BAALC: variants seen among roughly 807,000 people sequenced by gnomAD.
BAALC encodes brain and acute leukemia cytoplasmic protein.
In BAALC, 9 loss-of-function variants were observed where a neutral mutation model predicts 15.5. That is an observed-to-expected ratio of 0.58 (90% confidence interval 0.35 to 1.02). BAALC has a LOEUF of 1.02. BAALC is among the 50% of genes least tolerant of loss of function. The probability of loss-of-function intolerance (pLI) is 0.02; values close to 1 mark genes in which losing one functional copy is unlikely to be tolerated. For synonymous variants in BAALC, 80 were observed against 74.6 expected (o/e 1.07, Z -0.37); for missense variants, 201 against 192.4 (o/e 1.04, Z -0.27).
chr8:103,212,525 A>G (rs1031080371), intron 1 of BAALC, among the ~76,000 whole-genome samples: 1 of 152,224 alleles, frequency 6.6e-6, no homozygotes, highest in Non-Finnish European at 1.5e-5. Flanking sequence ...AATTTATCCC[A>G]AGGAAGTAAT....
intron 1 of BAALC, among the ~76,000 whole-genome samples, chr8:103,179,440 TA>T: frequency 6.6e-6 from 1 of 152,330 alleles, no homozygotes; most frequent in Non-Finnish European, 1.5e-5. Flanking sequence ...TCTTCACAAA[TA>T]AAACTACCAT....
chr8:103,155,984 G>A (rs185171419), intron 1 of BAALC, among the ~76,000 whole-genome samples: 86 of 152,330 alleles, frequency 5.6e-4, no homozygotes, highest in African/African-American at 1.8e-3. Flanking sequence ...TGTGGGCCAC[G>A]TGATTTCTTT....
chr8:103,206,852 T>C (rs1228412777), intron 1 of BAALC, among the ~76,000 whole-genome samples: 6 of 152,180 alleles, frequency 3.9e-5, no homozygotes, highest in Admixed American at 3.9e-4. Flanking sequence ...AGCCTCAGCC[T>C]GATCCTATGG....
chr8:103,141,027 A>G lies in BAALC; in HGVS notation c.130A>G (p.Ser44Gly). 2 of 1,513,930 alleles carry G rather than the reference A, an allele frequency of 1.3e-6. No homozygotes were observed. The highest frequency in any genetic ancestry group is 1.8e-6 in the Non-Finnish European group (2 of 1,131,182). 93.8% of individuals were successfully genotyped at this position (1,513,930 alleles called of 1,614,324 possible). A position where few individuals can be genotyped will look rare whatever the true frequency, so the allele number is the denominator to read the frequency against. Reference sequence around the variant, plus strand: ...GCCGCCCAGCGCCGCCGCCCCGGACAGCGGCCCCGAAGCGGGCGGCCTGCA... The same window carrying G: ...GCCGCCCAGCGCCGCCGCCCCGGACGGCGGCCCCGAAGCGGGCGGCCTGCA... ...DAPPSAAAPD[S>G]GPEAGGLHSG... is the part of the protein sequence containing the mutation. The change falls in exon 1 of 3, where the codon AGC becomes GGC. Residue 44 changes from serine (S) to glycine (G), a missense_variant. Physicochemically the swap from Ser to Gly is moderately conservative, Grantham distance 56 (BLOSUM62 0). Transcript: ENST00000309982.
At chr8:103,195,812 T>C (rs1311893466) in intron 1 of BAALC, among the ~76,000 whole-genome samples, 1 of 152,170 alleles carries the variant, frequency 6.6e-6, no homozygotes, top group Admixed American at 6.5e-5. Flanking sequence ...AGCTAAACAG[T>C]TCAAGACTCT....
At chr8:103,192,391 G>T (rs1236923267) in intron 1 of BAALC, among the ~76,000 whole-genome samples, 2 of 152,206 alleles carry the variant, frequency 1.3e-5, no homozygotes, top group Non-Finnish European at 2.9e-5. Flanking sequence ...TAGTGAGTAG[G>T]TTGTCAAACA....
intron 1 of BAALC, among the ~76,000 whole-genome samples, chr8:103,177,913 C>G (rs116815341): frequency 6.6e-6 from 1 of 152,086 alleles, no homozygotes; most frequent in Admixed American, 6.5e-5. Context: ...AAAATCAGAG[C>G]TATTATTTTA....
chr8:103,170,940 CT>C (rs1490716515), intron 1 of BAALC, among the ~76,000 whole-genome samples: 2 of 152,130 alleles, frequency 1.3e-5, no homozygotes, highest in Non-Finnish European at 2.9e-5. Flanking sequence ...GAGTAAATGT[CT>C]TAATTATTCT....
At chr8:103,182,137 G>T (rs1341982484) in intron 1 of BAALC, among the ~76,000 whole-genome samples, 2 of 152,068 alleles carry the variant, frequency 1.3e-5, no homozygotes, top group Non-Finnish European at 2.9e-5. Flanking sequence ...ACCCTGGTTT[G>T]CCACAGAATT....
Position 103,230,297 on chromosome 8 carries a change from T to G in BAALC, c.*2198T>G, listed in dbSNP as rs1401759754. 6.6e-6 allele frequency: 1 copy of G among 152,180 alleles called. No homozygotes were observed. The highest frequency in any genetic ancestry group is 1.5e-5 in the Non-Finnish European group (1 of 68,032). The allele number at this position is 152,180 out of a possible 1,614,324, so 9.4% of individuals were successfully genotyped here. A position where few individuals can be genotyped will look rare whatever the true frequency, so the allele number is the denominator to read the frequency against. ...GTTTGTGTCAATAAAGTCATTAATT[T>G]TAAACATATATGGGCAGTTACAGAG... On this transcript the variant is annotated 3_prime_UTR_variant, in exon 3 of 3. Coordinates refer to ENST00000309982, the MANE Select transcript of BAALC (RefSeq NM_024812.3).
Position 103,140,872 on chromosome 8 carries a change from G to C in BAALC, c.-26G>C, listed in dbSNP as rs935063656. The stretch of plus-strand genomic sequence containing the variant: ...CGCCAGAGCCGACAGCCGAGCAGCC[G>C]CTGGGCGCTCCCGCGGCGCAGGAGG... On this transcript the variant is annotated 5_prime_UTR_variant, in exon 1 of 3. Coordinates refer to ENST00000309982, the MANE Select transcript of BAALC (RefSeq NM_024812.3). This position sits in a 1 kb window ranked among gnomAD's most constrained non-coding sequence, Gnocchi z 4.2. The C allele has an allele frequency of 1.4e-6, 2 of 1,481,078 alleles. No individual in the cohort carries two copies. Among genetic ancestry groups the C allele is most frequent in the Non-Finnish European group, 1.8e-6 (2 of 1,115,578 alleles). The allele number at this position is 1,481,078 out of a possible 1,614,324, so 91.7% of individuals were successfully genotyped here.
At chr8:103,144,084 C>G (rs1383275032) in intron 1 of BAALC, among the ~76,000 whole-genome samples, 7 of 152,236 alleles carry the variant, frequency 4.6e-5, no homozygotes, top group Non-Finnish European at 8.8e-5. Flanking sequence ...AGAAAAGTCC[C>G]ATTTAATCAT....
rs533323375 is a variant in BAALC at position 103,214,040 on chromosome 8, A to T, written c.327+955A>T. Among the ~76,000 whole-genome samples, 4 of 152,338 alleles carry T rather than the reference A, an allele frequency of 2.6e-5. No individual in the cohort carries two copies. The South Asian group carries it at 8.3e-4, about 32-fold the overall frequency. ...ATAAAGAAGCCGGGTAATCTAAGGC[A>T]TGAGGAAAGATGATTGGCAGTGGGG... On this transcript the variant is annotated intron_variant, in intron 2 of 2. Coordinates refer to ENST00000309982, the MANE Select transcript of BAALC (RefSeq NM_024812.3).
Position 103,213,000 on chromosome 8 carries a change from C to A in BAALC, c.242C>A (p.Thr81Lys), listed in dbSNP as rs147117793. 6.2e-6 allele frequency: 10 copies of A among 1,614,126 alleles called. No individual in the cohort carries two copies. In the East Asian group the frequency reaches 8.9e-5, roughly 14 times the overall value. ...GGAATACCCAACCCAGAGAAGAAGA[C>A]GAACTGTGAGACCCAGTGCCCAAAT... ...PGGIPNPEKK[T>K]NCETQCPNPQ... The change falls in exon 2 of 3, where the codon ACG becomes AAG. Residue 81 changes from threonine to lysine, a missense_variant. Coordinates refer to ENST00000309982, the MANE Select transcript of BAALC (RefSeq NM_024812.3).
intron 1 of BAALC, among the ~76,000 whole-genome samples, chr8:103,183,997 T>A (rs1056065632): frequency 6.6e-6 from 1 of 152,340 alleles, no homozygotes; most frequent in South Asian, 2.1e-4. Flanking sequence ...CTGCATGCCC[T>A]ACTGGAGGCT....
chr8:103,223,200 C>T (rs1438393226), intron 2 of BAALC, among the ~76,000 whole-genome samples: 12 of 152,122 alleles, frequency 7.9e-5, no homozygotes, highest in East Asian at 3.9e-4. Context: ...CCCAGCTACT[C>T]GGGAGGCTGA....
At chr8:103,214,545 T>C (rs1812517079) in intron 2 of BAALC, among the ~76,000 whole-genome samples, 1 of 152,240 alleles carries the variant, frequency 6.6e-6, no homozygotes, top group Non-Finnish European at 1.5e-5. Context: ...TATCTAATGA[T>C]GGAATTCTTG....
chr8:103,185,982 GT>G (rs748817003), intron 1 of BAALC, among the ~76,000 whole-genome samples: 1 of 152,126 alleles, frequency 6.6e-6, no homozygotes, highest in Non-Finnish European at 1.5e-5. Context: ...TTCTCTGCTT[GT>G]TCTGGTGTCT....
chr8:103,169,555 G>A (rs1811431050), intron 1 of BAALC, among the ~76,000 whole-genome samples: 1 of 152,142 alleles, frequency 6.6e-6, no homozygotes, highest in African/African-American at 2.4e-5. Context: ...TAGAGTATCT[G>A]GCTGGATCAT....
Sources: gnomAD v4.1 joint callset for allele counts (sites outside exome capture counted in the v4.1 genomes callset) on GRCh38, gnomAD v4.1.1 for gene constraint, Gnocchi (gnomAD v3.1) non-coding constraint, MANE v1.5 for transcripts, NCBI Gene and HGNC (gene_info 2026-07-23, HGNC 2026-07-21) for gene names.